The following ATP1B4 variants were observed in gnomAD, a reference collection of about 807,000 sequenced individuals.
ATP1B4 encodes protein ATP1B4.
ATP1B4 carries 32 observed loss-of-function variants against 29.6 expected under a neutral mutation model. The observed-to-expected ratio is 1.08, with a 90% CI of 0.82 to 1.45. The LOEUF is 1.45. ATP1B4 is among the 40% of genes most tolerant of loss of function. ATP1B4 has a pLI of 0.00. For missense variants in ATP1B4, 323 were observed against 276.2 expected (o/e 1.17, Z -1.20); for synonymous variants, 127 against 102.1 (o/e 1.24, Z -1.47).
At chrX:120,368,669 A>G (rs889524439) in intron 2 of ATP1B4, among the ~76,000 whole-genome samples, 6 of 111,979 alleles carry the variant, frequency 5.4e-5, no homozygotes, top group Non-Finnish European at 1.1e-4. Flanking sequence ...TTCTTTTGCC[A>G]GAACACTGCC....
At chrX:120,367,900 A>C (rs1325751389) in intron 2 of ATP1B4, among the ~76,000 whole-genome samples, 1 of 111,348 alleles carries the variant, frequency 9.0e-6, no homozygotes, top group Non-Finnish European at 1.9e-5. Context: ...CAAACTCTCA[A>C]CTGGAACAAA....
chrX:120,373,298 A>G (rs1047395546), intron 4 of ATP1B4, among the ~76,000 whole-genome samples: 6 of 112,776 alleles, frequency 5.3e-5, no homozygotes, highest in African/African-American at 1.9e-4. Flanking sequence ...CTCTAAAAAA[A>G]TTAAAACAAA....
At chrX:120,374,476 C>A (rs550463869) in intron 4 of ATP1B4, among the ~76,000 whole-genome samples, 1 of 92,147 alleles carries the variant, frequency 1.1e-5, no homozygotes, top group African/African-American at 4.0e-5. Context: ...CAGGATATAC[C>A]CTTATATATA....
chrX:120,362,967 A>G (rs1237674536), intron 1 of ATP1B4, among the ~76,000 whole-genome samples: 2 of 112,906 alleles, frequency 1.8e-5, no homozygotes, highest in Non-Finnish European at 3.7e-5. Flanking sequence ...GTAGACACAC[A>G]TACATTCTTT....
intron 5 of ATP1B4, 61 bp downstream of exon 5, chrX:120,375,629 C>G: frequency 1.0e-6 from 1 of 996,856 alleles, no homozygotes; most frequent in South Asian, 2.4e-5. Flanking sequence ...AGGGCTCTGG[C>G]CACTCCATTT....
At chrX:120,364,107 A>T (rs1001916210) in intron 1 of ATP1B4, among the ~76,000 whole-genome samples, 2 of 111,071 alleles carry the variant, frequency 1.8e-5, no homozygotes, top group Non-Finnish European at 3.8e-5. Context: ...TAAAGCTTTA[A>T]TGACAAGCCA....
intron 4 of ATP1B4, among the ~76,000 whole-genome samples, chrX:120,372,467 A>G (rs1475847113): frequency 8.9e-6 from 1 of 111,815 alleles, no homozygotes; most frequent in Admixed American, 9.5e-5. Context: ...AAATGAGAAA[A>G]CTGAGACTCA....
rs1255913412 is a variant in ATP1B4 at position 120,381,399 on chromosome X, A to G, written c.*1765A>G. On this transcript the variant is annotated 3_prime_UTR_variant, in exon 8 of 8. Coordinates refer to ENST00000218008, the MANE Select transcript of ATP1B4 (RefSeq NM_001142447.3). The stretch of plus-strand genomic sequence containing the variant: ...GAAAATGAGTAATTAAAGCATTTTA[A>G]TCAGGGAGGCTCTGTGATCACATTT... 2 of 112,372 alleles carry G rather than the reference A, an allele frequency of 1.8e-5. No individual in the cohort carries two copies. Among genetic ancestry groups the G allele is most frequent in the African/African-American group, 3.2e-5 (1 of 30,914 alleles). 9.3% of individuals were successfully genotyped at this position (112,372 alleles called of 1,213,427 possible).
Position 120,366,663 on chromosome X carries a change from A to G in ATP1B4, c.202A>G (p.Lys68Glu). 9 of 1,210,084 alleles carry G rather than the reference A, an allele frequency of 7.4e-6. No individual in the cohort carries two copies. Among genetic ancestry groups the G allele is most frequent in the Middle Eastern group, 2.3e-4 (1 of 4,351 alleles). ...GAAAGAAGAGGAGGAAGAGGAGGAA[A>G]AGGAGGAGGAAGAGGGTCAAGGTCA... is the stretch of plus-strand genomic sequence containing the variant. ...EEKEEEEEEE[K>E]EEEEGQGQPT... is the part of the protein sequence containing the mutation. The change falls in exon 2 of 8, where the codon AAG (lysine) becomes GAG (glutamate). Residue 68 changes from lysine (K) to glutamate (E), a missense_variant. Lys to Glu is a moderately conservative substitution (Grantham distance 56). Transcript: ENST00000218008.
At chrX:120,375,705 T>TA (rs2058350462) in intron 5 of ATP1B4, 137 bp downstream of exon 5, 2 of 485,543 alleles carry the variant, frequency 4.1e-6, no homozygotes, top group Non-Finnish European at 3.3e-6. Flanking sequence ...TAAATACAAA[T>TA]AACCAGATAA....
intron 4 of ATP1B4, among the ~76,000 whole-genome samples, chrX:120,372,209 G>A (rs912140607): frequency 9.0e-6 from 1 of 111,047 alleles, no homozygotes; most frequent in Non-Finnish European, 1.9e-5. Context: ...TCAAAGAGGA[G>A]CTCCAGTGGG....
chrX:120,366,771 C>A lies in ATP1B4; in HGVS notation c.310C>A (p.Arg104=). 3 of 1,210,439 alleles carry A rather than the reference C, an allele frequency of 2.5e-6. No homozygotes were observed. In the South Asian group the frequency reaches 5.3e-5, roughly 21 times the overall value. Residue 104 remains arginine, a synonymous_variant, in exon 2 of 8, where the codon CGA becomes AGA. Coordinates refer to ENST00000218008, the MANE Select transcript of ATP1B4 (RefSeq NM_001142447.3). ...TCCAGAGAGAAGGATGTTTCTGGCC[C>A]GAACAGGTCAGAGTTGGAGTAAGTC... ...WDPERRMFLA[R]TGQSWSLILL...
chrX:120,376,177 T>C (rs932729401), intron 5 of ATP1B4, among the ~76,000 whole-genome samples: 2 of 111,550 alleles, frequency 1.8e-5, no homozygotes, highest in African/African-American at 6.5e-5. Flanking sequence ...ATACCAGGCA[T>C]AAATACAACA....
chrX:120,374,606 AATAT>A (rs200605771), intron 4 of ATP1B4, among the ~76,000 whole-genome samples: 5,859 of 41,759 alleles, frequency 0.14, 712 homozygotes, highest in African/African-American at 0.25. Context: ...CCTTATATAT[AATAT>A]ATATATACCC....
Position 120,371,290 on chromosome X carries a change from C to T in ATP1B4, c.562+80C>T, listed in dbSNP as rs1602503935. ...ATCCAAAATTCAAAATTCACCTGGC[C>T]CAGGAATCCCAGTCTTACTAACCCC... On this transcript the variant is annotated intron_variant, in intron 4 of 7. Coordinates refer to ENST00000218008, the MANE Select transcript of ATP1B4 (RefSeq NM_001142447.3). The T allele has an allele frequency of 3.9e-6, 3 of 779,185 alleles. No homozygotes were observed. In the East Asian group the frequency reaches 9.6e-5, roughly 25 times the overall value. 64.2% of individuals were successfully genotyped at this position (779,185 alleles called of 1,213,427 possible).
chrX:120,362,261 GC>G, intron 1 of ATP1B4, 30 bp downstream of exon 1: 1 of 1,170,633 alleles, frequency 8.5e-7, no homozygotes, highest in Non-Finnish European at 1.2e-6. Context: ...ATATTTTGCT[GC>G]CCCCTCCCCT....
intron 5 of ATP1B4, among the ~76,000 whole-genome samples, 175 bp downstream of exon 5, chrX:120,375,743 C>A (rs781593783): frequency 1.8e-5 from 2 of 109,536 alleles, no homozygotes; most frequent in African/African-American, 6.7e-5. Context: ...CCCCCGCCCA[C>A]CGAGCACTTC....
chrX:120,376,125 C>T (rs1223783953), intron 5 of ATP1B4, among the ~76,000 whole-genome samples: 1 of 111,091 alleles, frequency 9.0e-6, no homozygotes, highest in African/African-American at 3.3e-5. Context: ...AAGTTCTTTA[C>T]ATCTTTAGCA....
intron 5 of ATP1B4, 21 bp from the exon 6 acceptor site, chrX:120,376,359 A>G: frequency 8.3e-7 from 1 of 1,204,206 alleles, no homozygotes; most frequent in Non-Finnish European, 1.1e-6. Flanking sequence ...AAAAAATAAA[A>G]CACTGGTTTT....
Sources: gnomAD v4.1 joint callset for allele counts (sites outside exome capture counted in the v4.1 genomes callset) on GRCh38, gnomAD v4.1.1 for gene constraint, MANE v1.5 for transcripts, NCBI Gene and HGNC (gene_info 2026-07-23, HGNC 2026-07-21) for gene names.